RHOT2: variants seen among roughly 807,000 people sequenced by gnomAD.
RHOT2 encodes ras homolog family member T2.
A neutral mutation model predicts 81.6 loss-of-function variants in RHOT2; 90 were observed. The ratio of observed to expected loss-of-function variants is 1.10; its 90% CI spans 0.93 to 1.31. The LOEUF is 1.31. Among genes scored for constraint, RHOT2 ranks in the 40% most tolerant of loss-of-function variants. RHOT2 has a pLI of 0.00. For synonymous variants in RHOT2, 512 were observed against 370.9 expected (o/e 1.38, Z -4.37); for missense variants, 1,014 against 841.9 (o/e 1.20, Z -2.53).
chr16:669,308 G>A (rs1448383983), intron 4 of RHOT2: 13 of 571,896 alleles, frequency 2.3e-5, no homozygotes, highest in South Asian at 6.1e-5. Flanking sequence ...GGCAGTGGGC[G>A]GGGAAGAGGC....
intron 4 of RHOT2, 187 bp from the exon 5 acceptor site, chr16:669,366 C>T (rs1213980001): frequency 1.6e-6 from 1 of 624,128 alleles, no homozygotes; most frequent in Admixed American, 2.5e-5. Context: ...TGGGGAGTGC[C>T]TGCTCTGCCA....
At chr16:669,520 C>T (rs201950315) in intron 4 of RHOT2, 33 bp from the exon 5 acceptor site, 95 of 1,607,894 alleles carry the variant, frequency 5.9e-5, no homozygotes, top group Non-Finnish European at 7.0e-5. Context: ...AGCCAGCAGC[C>T]CTGTCACCCA....
intron 11 of RHOT2, 115 bp from the exon 12 acceptor site, chr16:671,582 C>T: frequency 8.5e-7 from 1 of 1,171,654 alleles, no homozygotes; most frequent in Non-Finnish European, 1.2e-6. Context: ...ACAGGAGCCT[C>T]TGGGTCCTGT....
chr16:668,818 C>G, intron 4 of RHOT2, 119 bp downstream of exon 4: 2 of 1,110,840 alleles, frequency 1.8e-6, no homozygotes, highest in African/African-American at 1.6e-5. Flanking sequence ...AATTCTGTGA[C>G]CTCCGCACTG....
chr16:673,918 GAGC>G lies in RHOT2; in HGVS notation c.*313_*315del. 1 of 571,310 alleles carries G rather than the reference GAGC, an allele frequency of 1.8e-6. No homozygotes were observed. Among genetic ancestry groups the G allele is most frequent in the Middle Eastern group, 2.7e-4 (1 of 3,660 alleles). The allele number at this position is 571,310 out of a possible 1,614,324, so 35.4% of individuals were successfully genotyped here. On this transcript the variant is annotated 3_prime_UTR_variant, in exon 19 of 19. Coordinates refer to ENST00000315082, the MANE Select transcript of RHOT2 (RefSeq NM_138769.3). ...GTGGGGCCGGGGAGCACAGGTGTGG[GAGC>G]TGGTGACCCCAGACCCAGAATTCTC...
At position 671,007 on chromosome 16, in the gene RHOT2, C is replaced by G; in HGVS notation, c.748+7C>G. The G allele has an allele frequency of 6.3e-6, 10 of 1,595,272 alleles. No individual in the cohort carries two copies. The highest frequency in any genetic ancestry group is 8.5e-6 in the Non-Finnish European group (10 of 1,172,478). On this transcript the variant is annotated splice_region_variant and intron_variant, in intron 10 of 18. Transcript: ENST00000315082. ...GACCGGCTGACCCTGGATGGTGAGGCCGGGTGCCCGCCTGTGCCTGGGGAG... is the reference window on the plus strand; with the variant it reads ...GACCGGCTGACCCTGGATGGTGAGGGCGGGTGCCCGCCTGTGCCTGGGGAG...
At chr16:669,755 T>G in intron 5 of RHOT2, 149 bp downstream of exon 5, 1 of 750,644 alleles carries the variant, frequency 1.3e-6, no homozygotes, top group Admixed American at 2.1e-5. Context: ...CACCCGGCCC[T>G]CTCCTGTGAT....
At chr16:671,816 G>GCCCCCCCC in intron 12 of RHOT2, 35 bp downstream of exon 12, 1 of 568,664 alleles carries the variant, frequency 1.8e-6, no homozygotes, top group Non-Finnish European at 2.9e-6. Flanking sequence ...CCCTGCCCCC[G>GCCCCCCCC]CCCCCTCCCC....
intron 10 of RHOT2, 32 bp from the exon 11 acceptor site, chr16:671,051 C>T: frequency 1.9e-6 from 3 of 1,608,298 alleles, no homozygotes; most frequent in Non-Finnish European, 1.7e-6. Context: ...GGGGGCTGTG[C>T]CTGGTGCTCC....
rs374489978 is a variant in RHOT2, at chr16:671,862, C to T, written c.957C>T (p.Asp319=). 60 of 1,535,270 alleles carry T rather than the reference C, an allele frequency of 3.9e-5. No individual in the cohort carries two copies. The highest frequency in any genetic ancestry group is 5.1e-5 in the Non-Finnish European group (58 of 1,146,438). ...VQRVFEKHDQ[D]RDGALSPVEL... is the part of the protein sequence containing the mutation. ...TCACCACATCCCTCCTTCTGCAGGA[C>T]CGCGACGGCGCCCTCTCGCCCGTGG... is the stretch of plus-strand genomic sequence containing the variant. Residue 319 remains aspartate (D), a splice_region_variant and synonymous_variant, in exon 13 of 19, where the codon GAC becomes GAT. Coordinates refer to ENST00000315082, the MANE Select transcript of RHOT2 (RefSeq NM_138769.3).
chr16:673,205 C>A, intron 18 of RHOT2, 75 bp downstream of exon 18: 1 of 1,488,432 alleles, frequency 6.7e-7, no homozygotes, highest in Non-Finnish European at 9.2e-7. Flanking sequence ...TGGTGTCAGG[C>A]CTGGAACTGG....
intron 12 of RHOT2, 28 bp downstream of exon 12, chr16:671,809 T>TG: frequency 2.7e-5 from 26 of 952,722 alleles, no homozygotes; most frequent in Middle Eastern, 2.4e-4. Flanking sequence ...CCCCTGCCCC[T>TG]GCCCCCGCCC....
At chr16:673,214 G>A in intron 18 of RHOT2, 84 bp downstream of exon 18, 1 of 1,445,094 alleles carries the variant, frequency 6.9e-7, no homozygotes, top group South Asian at 1.2e-5. Flanking sequence ...GCCTGGAACT[G>A]GGGACTAGCA....
At chr16:669,685 G>A (rs1382374046) in intron 5 of RHOT2, 79 bp downstream of exon 5, 2 of 1,440,192 alleles carry the variant, frequency 1.4e-6, no homozygotes, top group Non-Finnish European at 1.9e-6. Flanking sequence ...CCAACCCGTG[G>A]CCAGTGCCAT....
At position 671,712 on chromosome 16, in the gene RHOT2, C is replaced by CG. The variant is rs1567250082; in HGVS notation, c.887dup (p.Cys297LeufsTer18). 6.2e-7 allele frequency: 1 copy of CG among 1,612,274 alleles called. No homozygotes were observed. The highest frequency in any genetic ancestry group is 1.1e-5 in the South Asian group (1 of 91,078). On this transcript the variant is annotated frameshift_variant, in exon 12 of 19. Coordinates refer to ENST00000315082, the MANE Select transcript of RHOT2 (RefSeq NM_138769.3). LOFTEE classifies it high-confidence loss of function. ...CTCCCTGCAGGATCCACGTGCCCCCCGGCTGCAGCACGGAGCTCAACCACC... is the reference window on the plus strand; with the variant it reads ...CTCCCTGCAGGATCCACGTGCCCCCCGGGCTGCAGCACGGAGCTCAACCACC...
At chr16:669,635 A>G (rs985164110) in intron 5 of RHOT2, 29 bp downstream of exon 5, 3 of 1,608,980 alleles carry the variant, frequency 1.9e-6, no homozygotes, top group South Asian at 1.1e-5. Flanking sequence ...CCCCAACAGC[A>G]GAGACACAGT....
At position 672,349 on chromosome 16, in the gene RHOT2, G is replaced by A. The variant is rs559605066; in HGVS notation, c.1291G>A (p.Ala431Thr). 8 of 1,611,710 alleles carry A rather than the reference G, an allele frequency of 5.0e-6. No individual in the cohort carries two copies. Among genetic ancestry groups the A allele is most frequent in the East Asian group, 2.2e-5 (1 of 44,838 alleles). The change falls in exon 15 of 19, where the codon GCC (alanine) becomes ACC (threonine). Residue 431 changes from alanine (A) to threonine (T), a missense_variant. Coordinates refer to ENST00000315082, the MANE Select transcript of RHOT2 (RefSeq NM_138769.3). ...AGGGGCCCGTGGAGTGGGCAAGTCT[G>A]CCTTCCTGCAGGCCTTTCTCGGCCG... ...VVGARGVGKS[A>T]FLQAFLGRGL...
chr16:672,978 C>T lies in RHOT2; in HGVS notation c.1578C>T (p.Ala526=), dbSNP rs377652559. The change falls in exon 18 of 19, where the codon GCC becomes GCT. Residue 526 remains alanine, a synonymous_variant. Transcript: ENST00000315082. ...CCTGCCTCTTTGTCTCCTCCAAGGC[C>T]GACCTGCCCGAAGGTGTCGCGGTGT... ...QTPCLFVSSK[A]DLPEGVAVSG... The T allele has an allele frequency of 1.1e-4, 171 of 1,612,656 alleles. No individual in the cohort carries two copies. The highest frequency in any genetic ancestry group is 1.1e-4 in the Non-Finnish European group (133 of 1,179,996).
rs770487127 is a variant in RHOT2, at chr16:670,678, A to C, written c.544A>C (p.Arg182=). 3 of 1,612,060 alleles carry C rather than the reference A, an allele frequency of 1.9e-6. No homozygotes were observed. The highest frequency in any genetic ancestry group is 4.5e-5 in the East Asian group (2 of 44,878). The change falls in exon 9 of 19, where the codon AGG becomes CGG. Residue 182 remains arginine, a synonymous_variant. Coordinates refer to ENST00000315082, the MANE Select transcript of RHOT2 (RefSeq NM_138769.3). Reference sequence around the variant, plus strand: ...TGCTGAGCCAACATCCCCACAGTTGAGGCCCGCGTGCGCCCAGGCGCTGAC... The same window carrying C: ...TGCTGAGCCAACATCCCCACAGTTGCGGCCCGCGTGCGCCCAGGCGCTGAC... ...PLYDPEAKQL[R]PACAQALTRI...
Sources: allele counts gnomAD v4.1 joint callset, GRCh38; gene constraint gnomAD v4.1.1; transcripts MANE v1.5; gene names NCBI Gene and HGNC (gene_info 2026-07-23, HGNC 2026-07-21).